Variants in SERPINI1 observed in about 807,000 individuals in gnomAD.
SERPINI1 encodes the protein neuroserpin.
A neutral mutation model predicts 41.1 loss-of-function variants in SERPINI1; 19 were observed. The ratio of observed to expected loss-of-function variants is 0.46; its 90% CI spans 0.32 to 0.68. The LOEUF (loss-of-function observed/expected upper bound fraction) is 0.68. Among genes scored for constraint, SERPINI1 ranks in the 30% least tolerant of loss-of-function variants. The probability of loss-of-function intolerance (pLI) is 0.03; values close to 1 mark genes in which losing one functional copy is unlikely to be tolerated. For missense variants in SERPINI1, 460 were observed against 479.2 expected, an observed-to-expected ratio of 0.96 and a Z score of 0.37; for synonymous variants, 138 against 156.6, an observed-to-expected ratio of 0.88 and a Z score of 0.89.
intron 1 of SERPINI1, among the ~76,000 whole-genome samples, chr3:167,771,521 G>C (rs79502647): frequency 1.3e-3 from 196 of 152,302 alleles, no homozygotes; most frequent in African/African-American, 4.5e-3. Context: ...TTCACTGAGG[G>C]AAACTGGCTA....
intron 1 of SERPINI1, among the ~76,000 whole-genome samples, chr3:167,771,341 A>G (rs1726741669): frequency 6.6e-6 from 1 of 152,196 alleles, no homozygotes; most frequent in Non-Finnish European, 1.5e-5. Flanking sequence ...TTAAATGAGA[A>G]GATTCTTTAT....
intron 1 of SERPINI1, among the ~76,000 whole-genome samples, chr3:167,770,021 A>T (rs1577408050): frequency 2.4e-5 from 3 of 126,162 alleles, no homozygotes; most frequent in Admixed American, 7.8e-5. Flanking sequence ...TAACATAGGC[A>T]TGTTTACTTT....
Position 167,809,438 on chromosome 3 carries a change from C to T in SERPINI1, c.979+2097C>T, listed in dbSNP as rs147644788. ...ACTACCTGCTGCCTCTCAGTCCTGACGGAGTAGCACTGCAGTGGGAAATCA... is the reference window on the plus strand; with the variant it reads ...ACTACCTGCTGCCTCTCAGTCCTGATGGAGTAGCACTGCAGTGGGAAATCA... On this transcript the variant is annotated intron_variant, in intron 6 of 8. Transcript: ENST00000446050. Among the ~76,000 whole-genome samples the T allele has an allele frequency of 7.4e-4, 113 of 152,272 alleles. No homozygotes were observed. In the East Asian group the frequency reaches 0.016, roughly 21 times the overall value.
chr3:167,764,004 C>T (rs1229490566), intron 1 of SERPINI1, among the ~76,000 whole-genome samples: 8 of 136,112 alleles, frequency 5.9e-5, no homozygotes, highest in Admixed American at 2.1e-4. Flanking sequence ...TTGAATTATA[C>T]TAGGATCTAA....
At position 167,764,523 on chromosome 3, in the gene SERPINI1, G is replaced by C. The variant is rs901532753; in HGVS notation, c.-18-24588G>C. Among the ~76,000 whole-genome samples, 12 of 152,242 alleles carry C rather than the reference G, an allele frequency of 7.9e-5. No homozygotes were observed. The East Asian group carries it at 1.5e-3, about 20-fold the overall frequency. The stretch of plus-strand genomic sequence containing the variant: ...CCCCATGGTGCAATTACCTCCTACT[G>C]GGTCCCTCCCACAACACATGGGAAT... On this transcript the variant is annotated intron_variant, in intron 1 of 8. Transcript: ENST00000446050.
At chr3:167,758,002 G>A (rs889007435) in intron 1 of SERPINI1, among the ~76,000 whole-genome samples, 3 of 152,174 alleles carry the variant, frequency 2.0e-5, no homozygotes, top group Non-Finnish European at 4.4e-5. Context: ...GAGTATAAAT[G>A]TCAGGGGTAT....
At chr3:167,751,761 T>C (rs1726054554) in intron 1 of SERPINI1, among the ~76,000 whole-genome samples, 1 of 151,984 alleles carries the variant, frequency 6.6e-6, no homozygotes, top group African/African-American at 2.4e-5. Context: ...TCCAGTACGG[T>C]ATCTAGTATC....
chr3:167,804,002 G>A (rs1441931059), intron 5 of SERPINI1, among the ~76,000 whole-genome samples: 1 of 152,128 alleles, frequency 6.6e-6, no homozygotes, highest in African/African-American at 2.4e-5. Flanking sequence ...ATAAATAGTA[G>A]CAATAAGCAA....
At chr3:167,744,307 C>T (rs1433035969) in intron 1 of SERPINI1, among the ~76,000 whole-genome samples, 2 of 151,832 alleles carry the variant, frequency 1.3e-5, no homozygotes, top group Non-Finnish European at 2.9e-5. Context: ...AGTAAATGCT[C>T]ATTAAATGTT....
At chr3:167,760,528 G>A (rs543909706) in intron 1 of SERPINI1, among the ~76,000 whole-genome samples, 1 of 150,910 alleles carries the variant, frequency 6.6e-6, no homozygotes, top group South Asian at 2.1e-4. Flanking sequence ...CTGGTGACAA[G>A]AATTTCCTCA....
At chr3:167,822,946 T>A in intron 6 of SERPINI1, 40 bp from the exon 7 acceptor site, 1 of 1,173,910 alleles carries the variant, frequency 8.5e-7, no homozygotes, top group South Asian at 1.2e-5. Context: ...TTTTCCTATC[T>A]CTGAATGAAA....
chr3:167,825,121 G>GAC, intron 8 of SERPINI1, 126 bp from the exon 9 acceptor site: 1 of 736,164 alleles, frequency 1.4e-6, no homozygotes, highest in South Asian at 1.5e-5. Context: ...GGAAGGACAG[G>GAC]AGGAAGGAAG....
At chr3:167,801,458 T>A (rs1727896679) in intron 5 of SERPINI1, among the ~76,000 whole-genome samples, 1 of 152,180 alleles carries the variant, frequency 6.6e-6, no homozygotes, top group Non-Finnish European at 1.5e-5. Flanking sequence ...GTTGTTGGAA[T>A]TATAGTGATT....
chr3:167,768,380 T>A (rs1221838133), intron 1 of SERPINI1, among the ~76,000 whole-genome samples: 1 of 152,216 alleles, frequency 6.6e-6, no homozygotes. Flanking sequence ...AGCATAACTT[T>A]TATATACAGT....
rs762830478 is a variant in SERPINI1 at position 167,792,388 on chromosome 3, C to CATAT, written c.482-193_482-190dup. 2.0e-5 allele frequency among the ~76,000 whole-genome samples: 3 copies of CATAT among 148,442 alleles called. No homozygotes were observed. The South Asian group carries it at 6.3e-4, about 31-fold the overall frequency. ...ACACATATATATATATACACACACACATATATATATATGTAGTGTGTGTGT... is the reference window on the plus strand; with the variant it reads ...ACACATATATATATATACACACACACATATATATATATATATGTAGTGTGTGTGT... On this transcript the variant is annotated intron_variant, in intron 3 of 8. Coordinates refer to ENST00000446050, the MANE Select transcript of SERPINI1 (RefSeq NM_001122752.2).
At chr3:167,750,496 G>A (rs1457435517) in intron 1 of SERPINI1, among the ~76,000 whole-genome samples, 2 of 152,186 alleles carry the variant, frequency 1.3e-5, no homozygotes, top group African/African-American at 4.8e-5. Flanking sequence ...ATCATGTGAA[G>A]GCTATTATTA....
intron 6 of SERPINI1, 131 bp from the exon 7 acceptor site, chr3:167,822,855 C>T: frequency 3.1e-6 from 2 of 649,458 alleles, no homozygotes; most frequent in African/African-American, 1.8e-5. Context: ...TTAATGAAAT[C>T]TTTTAACATT....
chr3:167,819,098 T>C (rs56227357), intron 6 of SERPINI1, among the ~76,000 whole-genome samples: 17,000 of 152,246 alleles, frequency 0.11, 1,196 homozygotes, highest in African/African-American at 0.18. Flanking sequence ...AAATAGCTGC[T>C]AGTTAATATA....
intron 6 of SERPINI1, among the ~76,000 whole-genome samples, chr3:167,811,589 C>T (rs549258219): frequency 2.0e-5 from 3 of 152,104 alleles, no homozygotes; most frequent in South Asian, 2.1e-4. Context: ...CTCTGGAACA[C>T]GGGACAGAGG....
Sources: allele counts gnomAD v4.1 joint callset (sites outside exome capture counted in the v4.1 genomes callset), GRCh38; gene constraint gnomAD v4.1.1; transcripts MANE v1.5; gene names NCBI Gene and HGNC (gene_info 2026-07-23, HGNC 2026-07-21).